LINGO2: variants seen among roughly 807,000 people sequenced by gnomAD.
LINGO2 encodes the protein leucine-rich repeat and immunoglobulin-like domain-containing nogo receptor-interacting protein 2.
In LINGO2, 14 loss-of-function variants were observed where a neutral mutation model predicts 30.6. The observed-to-expected ratio is 0.46, with a 90% CI of 0.30 to 0.72. The LOEUF is 0.72. Ranked by LOEUF, LINGO2 falls within the 30% of genes least tolerant of loss-of-function variation. The pLI is 0.07. For missense variants in LINGO2, 729 were observed against 751.7 expected, an observed-to-expected ratio of 0.97 and a Z score of 0.35; for synonymous variants, 317 against 288.5, an observed-to-expected ratio of 1.10 and a Z score of -1.00.
chr9:28,624,006 C>T lies in LINGO2; in HGVS notation c.-365+46194G>A, dbSNP rs1328231414. ...TCATTGTTGGCAAATAGAAATGCTA[C>T]TGCTTTGTAGGTTGATTTGTATCTT... On this transcript the variant is annotated intron_variant, in intron 1 of 5. Transcript: ENST00000379992. 2.0e-5 allele frequency among the ~76,000 whole-genome samples: 3 copies of T among 152,016 alleles called. No homozygotes were observed. The South Asian group carries it at 6.2e-4, about 32-fold the overall frequency.
chr9:29,013,254 T>G, the LINGO2 span, among the ~76,000 whole-genome samples: 1 of 152,186 alleles, frequency 6.6e-6, no homozygotes, highest in Non-Finnish European at 1.5e-5. Flanking sequence ...CTTGGGAAGT[T>G]TGGAAGAACT....
intron 5 of LINGO2, among the ~76,000 whole-genome samples, chr9:27,999,433 CT>C (rs1329624059): frequency 1.7e-5 from 2 of 114,358 alleles, no homozygotes; most frequent in African/African-American, 7.5e-5. Flanking sequence ...AGTGCCTAAT[CT>C]TCAGAGAGAG....
intron 4 of LINGO2, among the ~76,000 whole-genome samples, chr9:28,285,398 A>ATTTTTTTTTTTTT (rs34034595): frequency 3.9e-5 from 3 of 76,166 alleles, no homozygotes; most frequent in Non-Finnish European, 6.9e-5. Context: ...GCCCAAGATC[A>ATTTTTTTTTTTTT]TTTTTTTTTT....
chr9:28,757,762 G>C, the LINGO2 span, among the ~76,000 whole-genome samples: 1 of 151,860 alleles, frequency 6.6e-6, no homozygotes, highest in Non-Finnish European at 1.5e-5. Context: ...GTGAGGGAGA[G>C]GGTCAGCAAC....
chr9:28,676,027 A>G, the LINGO2 span, among the ~76,000 whole-genome samples: 1 of 150,360 alleles, frequency 6.7e-6, no homozygotes, highest in South Asian at 2.1e-4. Flanking sequence ...TGTTTCAATT[A>G]ATAATATGAT....
intron 4 of LINGO2, among the ~76,000 whole-genome samples, chr9:28,153,766 G>A (rs1828061420): frequency 6.6e-6 from 1 of 152,026 alleles, no homozygotes; most frequent in Admixed American, 6.5e-5. Context: ...ATGCTATTTG[G>A]TGTTACCTAA....
chr9:29,015,451 G>A, the LINGO2 span, among the ~76,000 whole-genome samples: 1 of 151,936 alleles, frequency 6.6e-6, no homozygotes, highest in South Asian at 2.1e-4. Context: ...TAGATCATAG[G>A]GTCTCTGTTA....
At chr9:28,675,950 CAG>C in the LINGO2 span, among the ~76,000 whole-genome samples, 3 of 144,412 alleles carry the variant, frequency 2.1e-5, no homozygotes, top group African/African-American at 7.7e-5. Flanking sequence ...CACACACACA[CAG>C]ATATATATGT....
Position 28,350,958 on chromosome 9 carries a change from A to C in LINGO2, c.-246+21878T>G, listed in dbSNP as rs1444907042. Among the ~76,000 whole-genome samples, 52 of 152,164 alleles carry C rather than the reference A, an allele frequency of 3.4e-4. No homozygotes were observed. The East Asian group carries it at 9.1e-3, about 27-fold the overall frequency. Reference sequence around the variant, plus strand: ...GATGTTCTTTGAAACCAACGAGAACAAAGACACAACATACCAGAATCTCTG... The same window carrying C: ...GATGTTCTTTGAAACCAACGAGAACCAAGACACAACATACCAGAATCTCTG... On this transcript the variant is annotated intron_variant, in intron 3 of 5. Coordinates refer to ENST00000379992, the Ensembl canonical transcript of LINGO2.
intron 2 of LINGO2, among the ~76,000 whole-genome samples, chr9:28,456,698 A>C (rs767030088): frequency 9.2e-5 from 14 of 152,228 alleles, no homozygotes; most frequent in Non-Finnish European, 2.1e-4. Context: ...TCTGACACGC[A>C]TGACACAAAC....
intron 4 of LINGO2, among the ~76,000 whole-genome samples, chr9:28,180,426 C>T (rs1254182988): frequency 2.6e-5 from 4 of 152,146 alleles, no homozygotes; most frequent in Admixed American, 2.0e-4. Context: ...AATGACATTA[C>T]ATATTCTATC....
At chr9:28,602,981 T>C (rs1187443380) in intron 1 of LINGO2, among the ~76,000 whole-genome samples, 1 of 152,084 alleles carries the variant, frequency 6.6e-6, no homozygotes, top group African/African-American at 2.4e-5. Context: ...CAGTTGTTCT[T>C]ATACAATTTA....
At chr9:28,014,477 C>T (rs1822720052) in intron 4 of LINGO2, among the ~76,000 whole-genome samples, 1 of 152,138 alleles carries the variant, frequency 6.6e-6, no homozygotes, top group African/African-American at 2.4e-5. Context: ...TCTTAACCAT[C>T]CTACTATTAG....
At chr9:28,538,508 A>G (rs1307527902) in intron 1 of LINGO2, among the ~76,000 whole-genome samples, 2 of 152,184 alleles carry the variant, frequency 1.3e-5, no homozygotes, top group African/African-American at 4.8e-5. Context: ...AATAGAATAA[A>G]GGAGTAAAAA....
chr9:27,938,825 G>T, the LINGO2 span: 1 of 152,184 alleles, frequency 6.6e-6, no homozygotes, highest in African/African-American at 2.4e-5. Context: ...AGTAGATGTT[G>T]CATAATTAAA....
the LINGO2 span, among the ~76,000 whole-genome samples, chr9:28,826,863 C>G: frequency 7.9e-5 from 12 of 152,180 alleles, no homozygotes; most frequent in South Asian, 2.5e-3. Flanking sequence ...TCATGGGAGT[C>G]AACAAGGAGG....
the LINGO2 span, among the ~76,000 whole-genome samples, chr9:29,212,512 C>T: frequency 6.6e-6 from 1 of 152,122 alleles, no homozygotes; most frequent in African/African-American, 2.4e-5. Context: ...CTGCGCCAGG[C>T]TCACCTGCCA....
chr9:28,051,017 TTC>T (rs1014268095), intron 4 of LINGO2, among the ~76,000 whole-genome samples: 6 of 150,940 alleles, frequency 4.0e-5, no homozygotes, highest in Non-Finnish European at 8.8e-5. Flanking sequence ...TGAAACAAAG[TTC>T]TGTTTTTAGC....
chr9:28,387,067 G>A (rs913664001), intron 2 of LINGO2, among the ~76,000 whole-genome samples: 2 of 152,144 alleles, frequency 1.3e-5, no homozygotes, highest in African/African-American at 4.8e-5. Flanking sequence ...TGGGGACTTG[G>A]AGAACTTTTC....
Sources: gnomAD v4.1 joint callset for allele counts (sites outside exome capture counted in the v4.1 genomes callset) on GRCh38, gnomAD v4.1.1 for gene constraint, MANE v1.5 for transcripts, NCBI Gene and HGNC (gene_info 2026-07-23, HGNC 2026-07-21) for gene names.